The following SPATA31E1 variants were observed in gnomAD, a reference collection of about 807,000 sequenced individuals.
SPATA31E1 encodes spermatogenesis-associated protein 31E1.
Under a neutral mutation model 12.9 loss-of-function variants are expected in SPATA31E1, and 7 were observed. That is an observed-to-expected ratio of 0.54 (90% CI 0.31 to 1.02). The LOEUF is 1.02. Among genes scored for constraint, SPATA31E1 ranks in the 50% least tolerant of loss-of-function variants. The pLI is 0.05. For synonymous variants in SPATA31E1, 771 were observed against 719.0 expected (o/e 1.07, Z -1.16); for missense variants, 1,961 against 1,799.8 (o/e 1.09, Z -1.62).
In SPATA31E1 at chr9:87,888,610, C is replaced by T; in HGVS notation, c.4123C>T (p.Leu1375=). 1 of 1,614,128 alleles carries T rather than the reference C, an allele frequency of 6.2e-7. No homozygotes were observed. The highest frequency in any genetic ancestry group is 1.1e-5 in the South Asian group (1 of 91,078). ...HQERSREMRA[L]ACSPKATPKG... Reference sequence around the variant, plus strand: ...AGAACGTAGCAGAGAGATGAGAGCTCTGGCCTGCAGCCCTAAAGCCACCCC... The same window carrying T: ...AGAACGTAGCAGAGAGATGAGAGCTTTGGCCTGCAGCCCTAAAGCCACCCC... The change falls in exon 4 of 4, where the codon CTG becomes TTG. Residue 1375 remains leucine (L), a synonymous_variant. Coordinates refer to ENST00000325643, the MANE Select transcript of SPATA31E1 (RefSeq NM_178828.5).
At chr9:87,884,164 G>A in intron 2 of SPATA31E1, 118 bp downstream of exon 2, 1 of 1,291,596 alleles carries the variant, frequency 7.7e-7, no homozygotes, top group South Asian at 1.3e-5. Flanking sequence ...AGAACCTGCG[G>A]CCTCCTCAGA....
At chr9:87,883,964 C>A in intron 1 of SPATA31E1, 28 bp from the exon 2 acceptor site, 1 of 1,594,704 alleles carries the variant, frequency 6.3e-7, no homozygotes, top group East Asian at 2.3e-5. Context: ...GAACTGGTCC[C>A]AGCCCCTCAT....
At chr9:87,884,098 G>T in intron 2 of SPATA31E1, 52 bp downstream of exon 2, 1 of 1,557,600 alleles carries the variant, frequency 6.4e-7, no homozygotes, top group East Asian at 2.4e-5. Context: ...AGCTTTGCCT[G>T]TCCCTGAGGA....
At chr9:87,884,105 A>C in intron 2 of SPATA31E1, 59 bp downstream of exon 2, 1 of 1,552,410 alleles carries the variant, frequency 6.4e-7, no homozygotes, top group Non-Finnish European at 8.7e-7. Flanking sequence ...CCTGTCCCTG[A>C]GGAAGTCATT....
chr9:87,887,932 C>T lies in SPATA31E1; in HGVS notation c.3445C>T (p.Pro1149Ser). 1.9e-6 allele frequency: 3 copies of T among 1,613,956 alleles called. No individual in the cohort carries two copies. Among genetic ancestry groups the T allele is most frequent in the Non-Finnish European group, 2.5e-6 (3 of 1,180,052 alleles). ...CGCAGACAGGCTGCCCACTCAAGCC[C>T]CTCTGTCCACCTCCCAGAGTGTGTC... ...TAADRLPTQA[P>S]LSTSQSVSGK... Residue 1149 changes from proline (P) to serine (S), a missense_variant, in exon 4 of 4, where the codon CCT becomes TCT. Pro to Ser is a moderately conservative substitution (Grantham distance 74, BLOSUM62 -1). Transcript: ENST00000325643.
At position 87,885,223 on chromosome 9, in the gene SPATA31E1, C is replaced by T. The variant is rs1828244738; in HGVS notation, c.736C>T (p.Pro246Ser). The T allele has an allele frequency of 6.2e-7, 1 of 1,614,134 alleles. No individual in the cohort carries two copies. The highest frequency in any genetic ancestry group is 1.7e-5 in the Admixed American group (1 of 60,022). The part of the protein sequence containing the change: ...TQPHVVFPPS[P>S]QPHGPLASSP... ...GCCACATGTGGTTTTTCCTCCTTCA[C>T]CACAGCCGCATGGTCCCCTGGCCTC... Residue 246 changes from proline (P) to serine (S), a missense_variant, in exon 4 of 4, where the codon CCA (proline) becomes TCA (serine). Physicochemically the swap from Pro to Ser is moderately conservative, Grantham distance 74. Coordinates refer to ENST00000325643, the MANE Select transcript of SPATA31E1 (RefSeq NM_178828.5).
chr9:87,888,050 C>T lies in SPATA31E1; in HGVS notation c.3563C>T (p.Ala1188Val), dbSNP rs1171210989. 1.9e-6 allele frequency: 3 copies of T among 1,607,550 alleles called. No individual in the cohort carries two copies. The change falls in exon 4 of 4, where the codon GCA (alanine) becomes GTA (valine). Residue 1188 changes from alanine (A) to valine (V), a missense_variant. Transcript: ENST00000325643. ...CAGCAGGAGCCTGGGAGCCCAAAAG[C>T]AAAGGCCCCACAGAAGAGTCAGAAG... ...PGQQEPGSPK[A>V]KAPQKSQKTL...
chr9:87,884,192 G>A (rs912043220), intron 2 of SPATA31E1, 146 bp downstream of exon 2: 3 of 1,101,524 alleles, frequency 2.7e-6, no homozygotes, highest in Non-Finnish European at 3.9e-6. Flanking sequence ...CGGGAATGAA[G>A]CCACGGGCCT....
rs1828239395 is a variant in SPATA31E1, at chr9:87,885,004, G to A, written c.517G>A (p.Ala173Thr). ...GDVCKPVPAK[A>T]HQPHGKCMQD... is the part of the protein sequence containing the mutation. ...CGTGTGTAAACCAGTGCCTGCTAAG[G>A]CCCACCAGCCGCATGGGAAATGCAT... is the stretch of plus-strand genomic sequence containing the variant. The change falls in exon 4 of 4, where the codon GCC becomes ACC. Residue 173 changes from alanine (A) to threonine (T), a missense_variant. Transcript: ENST00000325643. 1.2e-6 allele frequency: 2 copies of A among 1,613,956 alleles called. No homozygotes were observed. The highest frequency in any genetic ancestry group is 1.7e-6 in the Non-Finnish European group (2 of 1,179,998).
In SPATA31E1 at chr9:87,885,308, C is replaced by A; in HGVS notation, c.821C>A (p.Pro274His). 1 of 1,614,028 alleles carries A rather than the reference C, an allele frequency of 6.2e-7. No homozygotes were observed. Among genetic ancestry groups the A allele is most frequent in the East Asian group, 2.2e-5 (1 of 44,870 alleles). The change falls in exon 4 of 4, where the codon CCC becomes CAC. Residue 274 changes from proline to histidine, a missense_variant. Transcript: ENST00000325643. ...CTTCAGTGTGGCTCCACAACATGCCCCGTCCCCCAGAGCTCCCCTCTACAC... is the reference window on the plus strand; with the variant it reads ...CTTCAGTGTGGCTCCACAACATGCCACGTCCCCCAGAGCTCCCCTCTACAC... ...AGLQCGSTTC[P>H]VPQSSPLHNQ... is the part of the protein sequence containing the mutation.
rs1587570302 is a variant in SPATA31E1 at position 87,887,016 on chromosome 9, T to C, written c.2529T>C (p.Cys843=). The change falls in exon 4 of 4, where the codon TGT becomes TGC. Residue 843 remains cysteine, a synonymous_variant. Coordinates refer to ENST00000325643, the MANE Select transcript of SPATA31E1 (RefSeq NM_178828.5). Reference sequence around the variant, plus strand: ...TGGAAGTACATCTTGTAAGGTTCTGTGTGAGGCACAGCTGGGGTACAGACC... The same window carrying C: ...TGGAAGTACATCTTGTAAGGTTCTGCGTGAGGCACAGCTGGGGTACAGACC... ...QILEVHLVRF[C]VRHSWGTDLQ... 6.2e-7 allele frequency: 1 copy of C among 1,614,078 alleles called. No individual in the cohort carries two copies. Among genetic ancestry groups the C allele is most frequent in the Non-Finnish European group, 8.5e-7 (1 of 1,180,014 alleles).
rs201760978 is a variant in SPATA31E1 at position 87,885,627 on chromosome 9, G to C, written c.1140G>C (p.Glu380Asp). The C allele has an allele frequency of 1.2e-6, 2 of 1,613,948 alleles. No individual in the cohort carries two copies. Among genetic ancestry groups the C allele is most frequent in the East Asian group, 4.5e-5 (2 of 44,854 alleles). Residue 380 changes from glutamate to aspartate, a missense_variant, in exon 4 of 4, where the codon GAG becomes GAC. Transcript: ENST00000325643. ...AKRALMKMWQ[E>D]KERKRADHPH... ...GAGCACTGATGAAGATGTGGCAGGAGAAAGAAAGAAAACGGGCCGACCACC... is the reference window on the plus strand; with the variant it reads ...GAGCACTGATGAAGATGTGGCAGGACAAAGAAAGAAAACGGGCCGACCACC...
Position 87,883,210 on chromosome 9 carries a change from C to T in SPATA31E1, c.309+10C>T, listed in dbSNP as rs1476716026. The T allele has an allele frequency of 4.5e-6, 7 of 1,564,640 alleles. No individual in the cohort carries two copies. Among genetic ancestry groups the T allele is most frequent in the Non-Finnish European group, 6.1e-6 (7 of 1,149,756 alleles). On this transcript the variant is annotated intron_variant, in intron 1 of 3. Transcript: ENST00000325643. Reference sequence around the variant, plus strand: ...GAGGAGCAGCAGGGAGGTAAGGAGTCCTCAGCCCAGCCCCACAGAGAAAGA... The same window carrying T: ...GAGGAGCAGCAGGGAGGTAAGGAGTTCTCAGCCCAGCCCCACAGAGAAAGA...
In SPATA31E1 at chr9:87,887,808, C is replaced by T; in HGVS notation, c.3321C>T (p.Asp1107=). 1 of 1,613,936 alleles carries T rather than the reference C, an allele frequency of 6.2e-7. No homozygotes were observed. The highest frequency in any genetic ancestry group is 1.1e-5 in the South Asian group (1 of 91,088). ...VSEIALIVQV[D]SEEQLPGRAP... ...AGATTGCGCTCATAGTGCAGGTGGA[C>T]TCAGAGGAGCAGCTGCCAGGCCGTG... The change falls in exon 4 of 4, where the codon GAC becomes GAT. Residue 1107 remains aspartate (D), a synonymous_variant. Transcript: ENST00000325643.
intron 2 of SPATA31E1, 35 bp from the exon 3 acceptor site, chr9:87,884,555 GC>G (rs747097121): frequency 6.2e-7 from 1 of 1,612,790 alleles, no homozygotes; most frequent in Non-Finnish European, 8.5e-7. Context: ...CCCAGGCACC[GC>G]CCTCTCCACC....
chr9:87,888,552 G>A lies in SPATA31E1; in HGVS notation c.4065G>A (p.Val1355=). 6.2e-7 allele frequency: 1 copy of A among 1,614,182 alleles called. No individual in the cohort carries two copies. The highest frequency in any genetic ancestry group is 1.1e-5 in the South Asian group (1 of 91,090). ...HKGDFRAQEN[V]PSCCHRGHCH... ...GTGACTTCCGCGCCCAGGAGAATGT[G>A]CCTTCCTGCTGCCACAGGGGTCACT... Residue 1355 remains valine (V), a synonymous_variant, in exon 4 of 4, where the codon GTG becomes GTA. Coordinates refer to ENST00000325643, the MANE Select transcript of SPATA31E1 (RefSeq NM_178828.5).
In SPATA31E1 at chr9:87,885,148, G is replaced by A. The variant is rs1390565015; in HGVS notation, c.661G>A (p.Ala221Thr). 3 of 1,614,116 alleles carry A rather than the reference G, an allele frequency of 1.9e-6. No individual in the cohort carries two copies. Among genetic ancestry groups the A allele is most frequent in the Non-Finnish European group, 2.5e-6 (3 of 1,180,012 alleles). The change falls in exon 4 of 4, where the codon GCC becomes ACC. Residue 221 changes from alanine (A) to threonine (T), a missense_variant. Transcript: ENST00000325643. ...EPFGPHSTLS[A>T]SGPPEPLLPL... ...TTTTGGACCACACTCAACCCTGAGT[G>A]CCTCCGGGCCACCAGAGCCCTTGCT...
rs201156365 is a variant in SPATA31E1 at position 87,887,649 on chromosome 9, G to C, written c.3162G>C (p.Arg1054Ser). Residue 1054 changes from arginine to serine, a missense_variant, in exon 4 of 4, where the codon AGG becomes AGC. By Grantham distance (110) the Arg-to-Ser change is moderately radical. Transcript: ENST00000325643. ...AAGTCACCTTGGGAGCCAGTGTGAG[G>C]GCAAGTTCGGGAAGTGTTCAGGAGG... ...TWEVTLGASV[R>S]ASSGSVQEDL... The C allele has an allele frequency of 2.5e-6, 4 of 1,614,026 alleles. No homozygotes were observed. The South Asian group carries it at 3.3e-5, about 13-fold the overall frequency.
In SPATA31E1 at chr9:87,887,018, T is replaced by G; in HGVS notation, c.2531T>G (p.Val844Gly). The change falls in exon 4 of 4, where the codon GTG (valine) becomes GGG (glycine). Residue 844 changes from valine to glycine, a missense_variant. Physicochemically the swap from Val to Gly is moderately radical, Grantham distance 109. Coordinates refer to ENST00000325643, the MANE Select transcript of SPATA31E1 (RefSeq NM_178828.5). ...ILEVHLVRFC[V>G]RHSWGTDLQS... ...GAAGTACATCTTGTAAGGTTCTGTGTGAGGCACAGCTGGGGTACAGACCTC... is the reference window on the plus strand; with the variant it reads ...GAAGTACATCTTGTAAGGTTCTGTGGGAGGCACAGCTGGGGTACAGACCTC... The G allele has an allele frequency of 6.2e-7, 1 of 1,614,098 alleles. No homozygotes were observed. Among genetic ancestry groups the G allele is most frequent in the Non-Finnish European group, 8.5e-7 (1 of 1,180,026 alleles).
Sources: gnomAD v4.1 joint callset for allele counts on GRCh38, gnomAD v4.1.1 for gene constraint, MANE v1.5 for transcripts, NCBI Gene and HGNC (gene_info 2026-07-23, HGNC 2026-07-21) for gene names.